Variants in PIGM observed in about 807,000 individuals in gnomAD.
PIGM encodes the protein phosphatidylinositol glycan anchor biosynthesis class M.
PIGM carries 7 observed loss-of-function variants against 14.6 expected under a neutral mutation model. That is an observed-to-expected ratio of 0.48 (90% CI 0.27 to 0.90). PIGM has a LOEUF of 0.90. Ranked by LOEUF, PIGM falls within the 40% of genes least tolerant of loss-of-function variation. PIGM has a pLI of 0.12. For synonymous variants in PIGM, 216 were observed against 215.9 expected (o/e 1.00, Z 0.00); for missense variants, 506 against 516.2 (o/e 0.98, Z 0.19).
At position 160,025,117 on chromosome 1, in the gene PIGM, GCTC is replaced by G. The variant is rs1158202209; in HGVS notation, c.*5348_*5350del. 2 of 152,214 alleles carry G rather than the reference GCTC, an allele frequency of 1.3e-5. No individual in the cohort carries two copies. Among genetic ancestry groups the G allele is most frequent in the African/African-American group, 4.8e-5 (2 of 41,458 alleles). The allele number at this position is 152,214 out of a possible 1,614,324, so 9.4% of individuals were successfully genotyped here. ...GGTTCAAGTTTACAGTGCCAGAACA[GCTC>G]CTTCTTTAAAGGCTTGTAAACAGTG... On this transcript the variant is annotated 3_prime_UTR_variant, in exon 1 of 1. Coordinates refer to ENST00000368090, the MANE Select transcript of PIGM (RefSeq NM_145167.3).
Position 160,030,921 on chromosome 1 carries a change from C to T in PIGM, c.819G>A (p.Pro273=), listed in dbSNP as rs138151842. The change falls in exon 1 of 1, where the codon CCG becomes CCA. Residue 273 remains proline, a synonymous_variant. Transcript: ENST00000368090. ...TRRDIRHNFS[P]YFYMLYLTAE... is the part of the protein sequence containing the mutation. ...CAGTCAAATACAGCATGTAGAAGTA[C>T]GGAGAAAAGTTGTGACGGATATCCC... The T allele has an allele frequency of 8.7e-4, 1,408 of 1,614,106 alleles. 21 individuals carry two copies. The Admixed American group carries it at 0.022, about 26-fold the overall frequency.
In PIGM at chr1:160,025,918, G is replaced by A. The variant is rs554838364; in HGVS notation, c.*4550C>T. ...AAAATTAAATAAAACCATATATGGC[G>A]GAATAGGTGCCCAAAATTGGTTAAT... On this transcript the variant is annotated 3_prime_UTR_variant, in exon 1 of 1. Coordinates refer to ENST00000368090, the MANE Select transcript of PIGM (RefSeq NM_145167.3). 2.6e-5 allele frequency: 4 copies of A among 152,234 alleles called. No individual in the cohort carries two copies. The highest frequency in any genetic ancestry group is 9.6e-5 in the African/African-American group (4 of 41,538). The allele number at this position is 152,234 out of a possible 1,614,324, so 9.4% of individuals were successfully genotyped here.
Position 160,030,613 on chromosome 1 carries a change from T to C in PIGM, c.1127A>G (p.Tyr376Cys), listed in dbSNP as rs746152396. The C allele has an allele frequency of 6.2e-5, 100 of 1,614,112 alleles. No individual in the cohort carries two copies. Among genetic ancestry groups the C allele is most frequent in the Non-Finnish European group, 8.3e-5 (98 of 1,180,042 alleles). ...GTTCTTTCCTTGAAACTCTAGAACA[T>C]AGGCAGGAGCCAGCCACATGGCCTG... ...IGQAMWLAPA[Y>C]VLEFQGKNTF... Residue 376 changes from tyrosine (Y) to cysteine (C), a missense_variant, in exon 1 of 1, where the codon TAT (tyrosine) becomes TGT (cysteine). Transcript: ENST00000368090.
Position 160,027,818 on chromosome 1 carries a change from T to G in PIGM, c.*2650A>C, listed in dbSNP as rs1350953594. 3 of 152,212 alleles carry G rather than the reference T, an allele frequency of 2.0e-5. No individual in the cohort carries two copies. The highest frequency in any genetic ancestry group is 7.2e-5 in the African/African-American group (3 of 41,446). 9.4% of individuals were successfully genotyped at this position (152,212 alleles called of 1,614,324 possible). A position where few individuals can be genotyped will look rare whatever the true frequency, so the allele number is the denominator to read the frequency against. ...CAAGAAACCAAATTAACTCATTTTT[T>G]TAGTTAACTTACTAAATGTTTTGGA... On this transcript the variant is annotated 3_prime_UTR_variant, in exon 1 of 1. Coordinates refer to ENST00000368090, the MANE Select transcript of PIGM (RefSeq NM_145167.3).
Position 160,031,598 on chromosome 1 carries a change from T to C in PIGM, c.142A>G (p.Thr48Ala), listed in dbSNP as rs1557964448. ...GTGAAGACCTGGTAGTCGATGTCCG[T>C]ATACCTCACGTGCAGGGTCCGGTCC... is the stretch of plus-strand genomic sequence containing the variant. ...FQDRTLHVRY[T>A]DIDYQVFTDA... The change falls in exon 1 of 1, where the codon ACG (threonine) becomes GCG (alanine). Residue 48 changes from threonine (T) to alanine (A), a missense_variant. Thr to Ala is a moderately conservative substitution (Grantham distance 58, BLOSUM62 0). Transcript: ENST00000368090. The C allele has an allele frequency of 2.5e-6, 4 of 1,614,080 alleles. No homozygotes were observed. The highest frequency in any genetic ancestry group is 3.4e-6 in the Non-Finnish European group (4 of 1,180,010).
rs1167013482 is a variant in PIGM, at chr1:160,031,787, G to T, written c.-48C>A. The T allele has an allele frequency of 1.9e-6, 3 of 1,609,188 alleles. No individual in the cohort carries two copies. Among genetic ancestry groups the T allele is most frequent in the Non-Finnish European group, 2.5e-6 (3 of 1,176,536 alleles). ...TTAGCCCCAGCTCCAAACTGCCTTC[G>T]TACTTCTAACCTTCCCTTCGGTTCT... On this transcript the variant is annotated 5_prime_UTR_variant, in exon 1 of 1. Coordinates refer to ENST00000368090, the MANE Select transcript of PIGM (RefSeq NM_145167.3).
At position 160,028,793 on chromosome 1, in the gene PIGM, A is replaced by C. The variant is rs1648240278; in HGVS notation, c.*1675T>G. ...AGCCTAGACAGGCTGTTTAATTAAA[A>C]AAAAAAATGTAAGGATGCTTGTTTA... On this transcript the variant is annotated 3_prime_UTR_variant, in exon 1 of 1. Transcript: ENST00000368090. 1 of 152,186 alleles carries C rather than the reference A, an allele frequency of 6.6e-6. No homozygotes were observed. Among genetic ancestry groups the C allele is most frequent in the Non-Finnish European group, 1.5e-5 (1 of 68,042 alleles). The allele number at this position is 152,186 out of a possible 1,614,324, so 9.4% of individuals were successfully genotyped here. A position where few individuals can be genotyped will look rare whatever the true frequency, so the allele number is the denominator to read the frequency against.
rs1648159432 is a variant in PIGM at position 160,025,316 on chromosome 1, T to C, written c.*5152A>G. The C allele has an allele frequency of 6.6e-6, 1 of 152,256 alleles. No homozygotes were observed. The highest frequency in any genetic ancestry group is 6.5e-5 in the Admixed American group (1 of 15,292). The allele number at this position is 152,256 out of a possible 1,614,324, so 9.4% of individuals were successfully genotyped here. A position where few individuals can be genotyped will look rare whatever the true frequency, so the allele number is the denominator to read the frequency against. On this transcript the variant is annotated 3_prime_UTR_variant, in exon 1 of 1. Coordinates refer to ENST00000368090, the MANE Select transcript of PIGM (RefSeq NM_145167.3). ...CTGGGATTTGAACCTAAGTGATCTA[T>C]TCTCTGATGCCGTACTATCAATGCA...
At position 160,026,128 on chromosome 1, in the gene PIGM, C is replaced by T. The variant is rs541096637; in HGVS notation, c.*4340G>A. The T allele has an allele frequency of 1.2e-4, 18 of 152,246 alleles. No individual in the cohort carries two copies. Among genetic ancestry groups the T allele is most frequent in the African/African-American group, 4.3e-4 (18 of 41,542 alleles). The allele number at this position is 152,246 out of a possible 1,614,324, so 9.4% of individuals were successfully genotyped here. A position where few individuals can be genotyped will look rare whatever the true frequency, so the allele number is the denominator to read the frequency against. ...AGGGAGAGAGACAGAAAGTATGACA[C>T]ACAAAAGAATTAATTTGTTCAACTT... is the stretch of plus-strand genomic sequence containing the variant. On this transcript the variant is annotated 3_prime_UTR_variant, in exon 1 of 1. Coordinates refer to ENST00000368090, the MANE Select transcript of PIGM (RefSeq NM_145167.3).
rs993796463 is a variant in PIGM, at chr1:160,030,018, T to C, written c.*450A>G. ...CTGAGACTACAGGCAAGGGCCACCA[T>C]ACACAGTTTAAGAATATTTTTTGGA... On this transcript the variant is annotated 3_prime_UTR_variant, in exon 1 of 1. Coordinates refer to ENST00000368090, the MANE Select transcript of PIGM (RefSeq NM_145167.3). 10 of 193,750 alleles carry C rather than the reference T, an allele frequency of 5.2e-5. No individual in the cohort carries two copies. The South Asian group carries it at 9.6e-4, about 19-fold the overall frequency. 12.0% of individuals were successfully genotyped at this position (193,750 alleles called of 1,614,324 possible).
rs1648292196 is a variant in PIGM at position 160,030,412 on chromosome 1, T to C, written c.*56A>G. The C allele has an allele frequency of 5.9e-6, 9 of 1,528,624 alleles. No individual in the cohort carries two copies. The highest frequency in any genetic ancestry group is 8.2e-6 in the Non-Finnish European group (9 of 1,103,538). The allele number at this position is 1,528,624 out of a possible 1,614,324, so 94.7% of individuals were successfully genotyped here. ...GAAAAAATGTCCCAAAGCTCTCTTC[T>C]GGTCCATACAAGACAATCAGAATGT... On this transcript the variant is annotated 3_prime_UTR_variant, in exon 1 of 1. Transcript: ENST00000368090.
At position 160,031,507 on chromosome 1, in the gene PIGM, G is replaced by T. The variant is rs760274698; in HGVS notation, c.233C>A (p.Pro78Gln). The T allele has an allele frequency of 1.9e-6, 3 of 1,614,192 alleles. No individual in the cohort carries two copies. Among genetic ancestry groups the T allele is most frequent in the Admixed American group, 1.7e-5 (1 of 60,030 alleles). The change falls in exon 1 of 1, where the codon CCG becomes CAG. Residue 78 changes from proline (P) to glutamine (Q), a missense_variant. Transcript: ENST00000368090. Reference sequence around the variant, plus strand: ...GGGAGTGAGGAGCCAACCCAGCAGCGGGGTGTAACGGTACGTGGCTCTCAG... The same window carrying T: ...GGGAGTGAGGAGCCAACCCAGCAGCTGGGTGTAACGGTACGTGGCTCTCAG... ...PYLRATYRYT[P>Q]LLGWLLTPNI... is the part of the protein sequence containing the mutation.
Position 160,030,801 on chromosome 1 carries a change from G to C in PIGM, c.939C>G (p.Leu313=). 1 of 1,614,128 alleles carries C rather than the reference G, an allele frequency of 6.2e-7. No individual in the cohort carries two copies. The highest frequency in any genetic ancestry group is 2.2e-5 in the East Asian group (1 of 44,886). ...ACGTATGAAGAAAACAACAAAAAACGAGGTCTCTGTAATAGGCGAAAGACA... is the reference window on the plus strand; with the variant it reads ...ACGTATGAAGAAAACAACAAAAAACCAGGTCTCTGTAATAGGCGAAAGACA... ...SAVSFAYYRD[L]VFCCFLHTSI... The change falls in exon 1 of 1, where the codon CTC becomes CTG. Residue 313 remains leucine (L), a synonymous_variant. Coordinates refer to ENST00000368090, the MANE Select transcript of PIGM (RefSeq NM_145167.3).
At position 160,031,490 on chromosome 1, in the gene PIGM, G is replaced by A; in HGVS notation, c.250C>T (p.Leu84Phe). 2 of 1,614,136 alleles carry A rather than the reference G, an allele frequency of 1.2e-6. No homozygotes were observed. Among genetic ancestry groups the A allele is most frequent in the Non-Finnish European group, 1.7e-6 (2 of 1,179,984 alleles). The change falls in exon 1 of 1, where the codon CTC (leucine) becomes TTC (phenylalanine). Residue 84 changes from leucine (L) to phenylalanine (F), a missense_variant. Leu to Phe is a conservative substitution (Grantham distance 22). Transcript: ENST00000368090. ...YRYTPLLGWL[L>F]TPNIYLSELF... ...TCGCTGAGGTAGATGTTGGGAGTGA[G>A]GAGCCAACCCAGCAGCGGGGTGTAA...
rs1046232888 is a variant in PIGM at position 160,026,497 on chromosome 1, T to C, written c.*3971A>G. 1 of 152,178 alleles carries C rather than the reference T, an allele frequency of 6.6e-6. No homozygotes were observed. The highest frequency in any genetic ancestry group is 1.5e-5 in the Non-Finnish European group (1 of 68,026). 9.4% of individuals were successfully genotyped at this position (152,178 alleles called of 1,614,324 possible). Reference sequence around the variant, plus strand: ...ATTATACATATACATAAAGCAAATATGGCAAATTGTTGTTGAATTTAGATG... The same window carrying C: ...ATTATACATATACATAAAGCAAATACGGCAAATTGTTGTTGAATTTAGATG... On this transcript the variant is annotated 3_prime_UTR_variant, in exon 1 of 1. Transcript: ENST00000368090.
Position 160,028,062 on chromosome 1 carries a change from G to T in PIGM, c.*2406C>A, listed in dbSNP as rs538000319. The T allele has an allele frequency of 4.3e-4, 65 of 152,194 alleles. 1 individual carries two copies. Among genetic ancestry groups the T allele is most frequent in the African/African-American group, 1.4e-3 (60 of 41,534 alleles). The allele number at this position is 152,194 out of a possible 1,614,324, so 9.4% of individuals were successfully genotyped here. A position where few individuals can be genotyped will look rare whatever the true frequency, so the allele number is the denominator to read the frequency against. ...TATTAAAAACTGGAAGCAATCTAAAGGTCTAACAGTGGAAGAATGATGTAT... is the reference window on the plus strand; with the variant it reads ...TATTAAAAACTGGAAGCAATCTAAATGTCTAACAGTGGAAGAATGATGTAT... On this transcript the variant is annotated 3_prime_UTR_variant, in exon 1 of 1. Transcript: ENST00000368090.
chr1:160,030,363 T>C lies in PIGM; in HGVS notation c.*105A>G. On this transcript the variant is annotated 3_prime_UTR_variant, in exon 1 of 1. Transcript: ENST00000368090. ...AAGTTCTGTTGGAACATGGGAACTT[T>C]CACTAGAATGCTTAGAATGTTCAGA... is the stretch of plus-strand genomic sequence containing the variant. The C allele has an allele frequency of 8.2e-7, 1 of 1,225,602 alleles. No individual in the cohort carries two copies. The allele number at this position is 1,225,602 out of a possible 1,614,324, so 75.9% of individuals were successfully genotyped here.
At position 160,031,611 on chromosome 1, in the gene PIGM, C is replaced by T. The variant is rs764187212; in HGVS notation, c.129G>A (p.Leu43=). 3.7e-6 allele frequency: 6 copies of T among 1,614,168 alleles called. No individual in the cohort carries two copies. In the Admixed American group the frequency reaches 8.3e-5, roughly 22 times the overall value. The change falls in exon 1 of 1, where the codon CTG becomes CTA. Residue 43 remains leucine, a synonymous_variant. Transcript: ENST00000368090. ...AGTCGATGTCCGTATACCTCACGTG[C>T]AGGGTCCGGTCCTGGAAGACGCCAT... ...VFYGVFQDRT[L]HVRYTDIDYQ...
In PIGM at chr1:160,026,712, C is replaced by A. The variant is rs1648193207; in HGVS notation, c.*3756G>T. 6.6e-6 allele frequency: 1 copy of A among 152,148 alleles called. No individual in the cohort carries two copies. The highest frequency in any genetic ancestry group is 1.5e-5 in the Non-Finnish European group (1 of 68,048). The allele number at this position is 152,148 out of a possible 1,614,324, so 9.4% of individuals were successfully genotyped here. ...GCATGGTGGCAAATACCTGTGGTCC[C>A]AGCTACTTGGGAGGCTGAGGAGGAA... On this transcript the variant is annotated 3_prime_UTR_variant, in exon 1 of 1. Transcript: ENST00000368090.
Sources: gnomAD v4.1 joint callset for allele counts on GRCh38, gnomAD v4.1.1 for gene constraint, MANE v1.5 for transcripts, NCBI Gene and HGNC (gene_info 2026-07-23, HGNC 2026-07-21) for gene names.